RAB18: variants seen among roughly 807,000 people sequenced by gnomAD.
RAB18 encodes the protein ras-related protein Rab-18.
RAB18 carries 10 observed loss-of-function variants against 28.5 expected under a neutral mutation model. The observed-to-expected ratio is 0.35, with a 90% CI of 0.22 to 0.60. The LOEUF (loss-of-function observed/expected upper bound fraction) is 0.60. Ranked by LOEUF, RAB18 falls within the 20% of genes least tolerant of loss-of-function variation. RAB18 has a pLI of 0.78. For synonymous variants in RAB18, 93 were observed against 86.9 expected (o/e 1.07, Z -0.39); for missense variants, 188 against 244.2 (o/e 0.77, Z 1.53).
At chr10:27,511,668 T>C (rs1333434798) in intron 2 of RAB18, among the ~76,000 whole-genome samples, 3 of 152,238 alleles carry the variant, frequency 2.0e-5, no homozygotes, top group Admixed American at 6.5e-5. Context: ...TTGGCAGCAA[T>C]TCCACAGAAG....
chr10:27,511,457 C>T (rs1378992703), intron 2 of RAB18, among the ~76,000 whole-genome samples: 11 of 152,122 alleles, frequency 7.2e-5, no homozygotes, highest in African/African-American at 1.9e-4. Context: ...CTACCCACCT[C>T]GGCCTCCCAA....
Position 27,540,490 on chromosome 10 carries a change from T to C in RAB18, c.*2439T>C, listed in dbSNP as rs1260233385. ...CTATTTCTTTATCACTCTTTTGTTA[T>C]ATGTAATAGAAGTATTTCACACTTT... On this transcript the variant is annotated 3_prime_UTR_variant, in exon 7 of 7. Coordinates refer to ENST00000356940, the MANE Select transcript of RAB18 (RefSeq NM_021252.5). 1 of 454,112 alleles carries C rather than the reference T, an allele frequency of 2.2e-6. No homozygotes were observed. Among genetic ancestry groups the C allele is most frequent in the Non-Finnish European group, 4.4e-6 (1 of 226,770 alleles). 28.1% of individuals were successfully genotyped at this position (454,112 alleles called of 1,614,324 possible).
At chr10:27,519,184 C>T (rs1005659650) in intron 2 of RAB18, among the ~76,000 whole-genome samples, 4 of 151,364 alleles carry the variant, frequency 2.6e-5, no homozygotes, top group African/African-American at 9.7e-5. Context: ...CTACTTTAAA[C>T]TAAAAAAGAA....
intron 3 of RAB18, among the ~76,000 whole-genome samples, chr10:27,527,617 A>T (rs893123148): frequency 6.6e-6 from 1 of 151,524 alleles, no homozygotes; most frequent in African/African-American, 2.4e-5. Context: ...ATACTGTTTT[A>T]TATATCTATT....
At chr10:27,522,690 A>G (rs11015843) in intron 2 of RAB18, among the ~76,000 whole-genome samples, 3,022 of 152,014 alleles carry the variant, frequency 0.02, 107 homozygotes, top group African/African-American at 0.068. Flanking sequence ...TTCCTTTTTT[A>G]TCTATATTCT....
chr10:27,520,045 A>T (rs1306244707), intron 2 of RAB18, among the ~76,000 whole-genome samples: 2 of 152,180 alleles, frequency 1.3e-5, no homozygotes, highest in Admixed American at 1.3e-4. Context: ...GATGATGATC[A>T]TGTGTTTAAA....
chr10:27,539,333 G>C lies in RAB18; in HGVS notation c.*1282G>C. 3.5e-6 allele frequency: 1 copy of C among 288,712 alleles called. No homozygotes were observed. Among genetic ancestry groups the C allele is most frequent in the South Asian group, 3.3e-5 (1 of 29,888 alleles). The allele number at this position is 288,712 out of a possible 1,614,324, so 17.9% of individuals were successfully genotyped here. On this transcript the variant is annotated 3_prime_UTR_variant, in exon 7 of 7. Transcript: ENST00000356940. ...TCCAGTATTAATTTCTGGGCAGTTTGTTCTCTGTATACAATTGCAAATGAT... is the reference window on the plus strand; with the variant it reads ...TCCAGTATTAATTTCTGGGCAGTTTCTTCTCTGTATACAATTGCAAATGAT...
Position 27,536,007 on chromosome 10 carries a change from T to C in RAB18, c.446-1869T>C, listed in dbSNP as rs553147593. ...CTGAGGCAGGAGAATTGCTTGAACC[T>C]GGGAGGCGGAGCTTGCAGTGAGCGA... On this transcript the variant is annotated intron_variant, in intron 6 of 6. Coordinates refer to ENST00000356940, the MANE Select transcript of RAB18 (RefSeq NM_021252.5). 7.4e-5 allele frequency among the ~76,000 whole-genome samples: 11 copies of C among 147,918 alleles called. No individual in the cohort carries two copies. In the South Asian group the frequency reaches 1.1e-3, roughly 14 times the overall value.
intron 1 of RAB18, among the ~76,000 whole-genome samples, chr10:27,506,886 A>G (rs1007261914): frequency 6.6e-6 from 1 of 151,954 alleles, no homozygotes; most frequent in African/African-American, 2.4e-5. Context: ...ATACGTAGCA[A>G]TGGATTATCA....
chr10:27,522,082 C>A (rs1009948631), intron 2 of RAB18, among the ~76,000 whole-genome samples: 2 of 151,912 alleles, frequency 1.3e-5, no homozygotes, highest in Non-Finnish European at 2.9e-5. Flanking sequence ...AAAAAAAAGA[C>A]GTTTTGGAAT....
In RAB18 at chr10:27,541,883, C is replaced by T. The variant is rs373663292; in HGVS notation, c.*3832C>T. The T allele has an allele frequency of 1.3e-5, 6 of 453,804 alleles. No homozygotes were observed. The East Asian group carries it at 2.8e-4, about 21-fold the overall frequency. The allele number at this position is 453,804 out of a possible 1,614,324, so 28.1% of individuals were successfully genotyped here. A position where few individuals can be genotyped will look rare whatever the true frequency, so the allele number is the denominator to read the frequency against. ...TGTGGTTTGGGTGGCATTGTCACACCCTCGGCTTTCTAGATTAACCCAGTT... is the reference window on the plus strand; with the variant it reads ...TGTGGTTTGGGTGGCATTGTCACACTCTCGGCTTTCTAGATTAACCCAGTT... On this transcript the variant is annotated 3_prime_UTR_variant, in exon 7 of 7. Transcript: ENST00000356940.
rs546894884 is a variant in RAB18, at chr10:27,506,547, C to T, written c.68+2110C>T. Among the ~76,000 whole-genome samples the T allele has an allele frequency of 8.3e-4, 126 of 152,128 alleles. 2 individuals are homozygous for T. Among genetic ancestry groups the T allele is most frequent in the Admixed American group, 2.4e-3 (37 of 15,286 alleles). On this transcript the variant is annotated intron_variant, in intron 1 of 6. Coordinates refer to ENST00000356940, the MANE Select transcript of RAB18 (RefSeq NM_021252.5). ...TGTGTTGCCCAGGCTGTCTCGAACTCCTGAGCTCAACAGATCCTCCTGCCT... is the reference window on the plus strand; with the variant it reads ...TGTGTTGCCCAGGCTGTCTCGAACTTCTGAGCTCAACAGATCCTCCTGCCT...
intron 3 of RAB18, among the ~76,000 whole-genome samples, chr10:27,532,090 G>A (rs1184217489): frequency 6.6e-6 from 1 of 151,410 alleles, no homozygotes; most frequent in Non-Finnish European, 1.5e-5. Context: ...GTGGTTCTCA[G>A]CCTTGATTCT....
At chr10:27,528,601 G>A (rs1193358764) in intron 3 of RAB18, among the ~76,000 whole-genome samples, 1 of 152,072 alleles carries the variant, frequency 6.6e-6, no homozygotes, top group Non-Finnish European at 1.5e-5. Flanking sequence ...CCGTTTAGAT[G>A]GCCAGCTAGT....
At chr10:27,522,271 GT>G (rs1284579870) in intron 2 of RAB18, among the ~76,000 whole-genome samples, 1 of 152,046 alleles carries the variant, frequency 6.6e-6, no homozygotes, top group East Asian at 1.9e-4. Context: ...TATAATTGTT[GT>G]ATCTTCTTGA....
intron 1 of RAB18, 59 bp downstream of exon 1, chr10:27,504,496 G>GGGCT: frequency 6.6e-7 from 1 of 1,526,432 alleles, no homozygotes; most frequent in Non-Finnish European, 8.9e-7. Context: ...CCCGGTGGCT[G>GGGCT]CTGTCTCCTG....
In RAB18 at chr10:27,541,969, G is replaced by A; in HGVS notation, c.*3918G>A. ...GGTTCAGGGGTAGGCACCTGACCCA[G>A]ACCAGACTACTGAGATAAAGATGTT... On this transcript the variant is annotated 3_prime_UTR_variant, in exon 7 of 7. Coordinates refer to ENST00000356940, the MANE Select transcript of RAB18 (RefSeq NM_021252.5). 2.2e-6 allele frequency: 1 copy of A among 454,032 alleles called. No homozygotes were observed. The highest frequency in any genetic ancestry group is 4.4e-6 in the Non-Finnish European group (1 of 226,792). The allele number at this position is 454,032 out of a possible 1,614,324, so 28.1% of individuals were successfully genotyped here. A position where few individuals can be genotyped will look rare whatever the true frequency, so the allele number is the denominator to read the frequency against.
chr10:27,512,813 T>C (rs1329933543), intron 2 of RAB18, among the ~76,000 whole-genome samples: 1 of 151,938 alleles, frequency 6.6e-6, no homozygotes, highest in Non-Finnish European at 1.5e-5. Flanking sequence ...CAAATGGAAT[T>C]TGGGGACTTG....
chr10:27,534,780 G>A (rs181415119), intron 6 of RAB18, among the ~76,000 whole-genome samples: 195 of 152,316 alleles, frequency 1.3e-3, no homozygotes, highest in African/African-American at 4.1e-3. Context: ...ATTCCATGGC[G>A]TTAGAAGCTA....
Sources: allele counts gnomAD v4.1 joint callset (sites outside exome capture counted in the v4.1 genomes callset), GRCh38; gene constraint gnomAD v4.1.1; transcripts MANE v1.5; gene names NCBI Gene and HGNC (gene_info 2026-07-23, HGNC 2026-07-21).